The following MAP3K6 variants were observed in gnomAD, a reference collection of about 807,000 sequenced individuals.
MAP3K6 encodes apoptosis signal-regulating kinase 2.
MAP3K6 carries 105 observed loss-of-function variants against 147.1 expected under a neutral mutation model. The ratio of observed to expected loss-of-function variants is 0.71; its 90% confidence interval spans 0.61 to 0.84. The LOEUF is 0.84. Among genes scored for constraint, MAP3K6 ranks in the 40% least tolerant of loss-of-function variants. The probability of loss-of-function intolerance (pLI) is 0.00; values close to 1 mark genes in which losing one functional copy is unlikely to be tolerated. For missense variants in MAP3K6, 1,569 were observed against 1,715.0 expected (o/e 0.91, Z 1.50); for synonymous variants, 695 against 732.4 (o/e 0.95, Z 0.82).
At chr1:27,357,251 C>A in intron 23 of MAP3K6, 137 bp from the exon 24 acceptor site, 1 of 1,301,100 alleles carries the variant, frequency 7.7e-7, no homozygotes, top group South Asian at 1.4e-5. Flanking sequence ...GCCTGGGAAG[C>A]TAGGACTGGG....
In MAP3K6 at chr1:27,365,571, G is replaced by A. The variant is rs74061777; in HGVS notation, c.341-659C>T. ...GGGGGCCGAGCATCCGGGCTGGCTG[G>A]AGGGAGGAGTGACTCGCGGGGGAAT... On this transcript the variant is annotated intron_variant, in intron 1 of 28. Coordinates refer to ENST00000357582, the MANE Select transcript of MAP3K6 (RefSeq NM_004672.5). Among the ~76,000 whole-genome samples, 1,179 of 152,212 alleles carry A rather than the reference G, an allele frequency of 7.7e-3. 16 individuals carry two copies. Among genetic ancestry groups the A allele is most frequent in the African/African-American group, 0.026 (1,095 of 41,504 alleles).
Position 27,364,432 on chromosome 1 carries a change from T to A in MAP3K6, c.505-38A>T. On this transcript the variant is annotated intron_variant, in intron 3 of 28. Transcript: ENST00000357582. This position sits in a 1 kb window ranked among gnomAD's most constrained non-coding sequence, Gnocchi z 4.4. ...AGGCAGGAATCAGTGAGGTCAGAGG[T>A]CAGCACAGGGCTAGACAAGGGGAGT... The A allele has an allele frequency of 6.2e-7, 1 of 1,608,738 alleles. No homozygotes were observed. The highest frequency in any genetic ancestry group is 8.5e-7 in the Non-Finnish European group (1 of 1,176,282).
chr1:27,359,161 C>A lies in MAP3K6; in HGVS notation c.2425+256G>T, dbSNP rs539080514. ...TGGATTGCCTCGTCCCCCTGAACTC[C>A]ATCACCTGCTTTTTCCTCCAACTCC... On this transcript the variant is annotated intron_variant, in intron 18 of 28. Transcript: ENST00000357582. The surrounding 1 kb of genome is among the most constrained non-coding windows in gnomAD (Gnocchi z 4.4). Among the ~76,000 whole-genome samples, 1 of 152,256 alleles carries A rather than the reference C, an allele frequency of 6.6e-6. No homozygotes were observed. The highest frequency in any genetic ancestry group is 2.4e-5 in the African/African-American group (1 of 41,552).
rs1282990121 is a variant in MAP3K6 at position 27,355,457 on chromosome 1, T to C, written c.3801A>G (p.Val1267=). Residue 1267 remains valine (V), a synonymous_variant, in exon 29 of 29, where the codon GTA becomes GTG. Transcript: ENST00000357582. The part of the protein sequence containing the change: ...LIYTRIRGGM[V]CRIWRAILAQ... ...CCAAGATGGCCCTCCAGATGCGGCA[T>C]ACCATCCCTCCCCTGGGGGTAATGG... is the stretch of plus-strand genomic sequence containing the variant. 6.2e-7 allele frequency: 1 copy of C among 1,614,176 alleles called. No homozygotes were observed. The highest frequency in any genetic ancestry group is 1.1e-5 in the South Asian group (1 of 91,090).
Position 27,360,760 on chromosome 1 carries a change from C to T in MAP3K6, c.1999G>A (p.Asp667Asn), listed in dbSNP as rs2015721803. 6.2e-7 allele frequency: 1 copy of T among 1,612,648 alleles called. No individual in the cohort carries two copies. The highest frequency in any genetic ancestry group is 2.2e-5 in the East Asian group (1 of 44,862). Residue 667 changes from aspartate (D) to asparagine (N), a missense_variant, in exon 15 of 29, where the codon GAT (aspartate) becomes AAT (asparagine). Physicochemically the swap from Asp to Asn is conservative, Grantham distance 23. Coordinates refer to ENST00000357582, the MANE Select transcript of MAP3K6 (RefSeq NM_004672.5). This position sits in a 1 kb window ranked among gnomAD's most constrained non-coding sequence, Gnocchi z 4.5. ...GTYGVVYAGR[D>N]RHTRVRIAIK... ...GCGATGCGCACCCTCGTGTGGCGAT[C>T]GCGGCCCGCGTACACCACCCCATAC...
rs1466147808 is a variant in MAP3K6 at position 27,359,742 on chromosome 1, C to T, written c.2319+116G>A. 4 of 1,495,606 alleles carry T rather than the reference C, an allele frequency of 2.7e-6. No homozygotes were observed. The highest frequency in any genetic ancestry group is 1.9e-5 in the Admixed American group (1 of 53,402). 92.6% of individuals were successfully genotyped at this position (1,495,606 alleles called of 1,614,324 possible). The stretch of plus-strand genomic sequence containing the variant: ...CTCTAAGGAGCCTCCCTGATGAATT[C>T]CCTACCCTTTGCAACAGGTCTGCTC... On this transcript the variant is annotated intron_variant, in intron 17 of 28. Coordinates refer to ENST00000357582, the MANE Select transcript of MAP3K6 (RefSeq NM_004672.5). The surrounding 1 kb of genome is among the most constrained non-coding windows in gnomAD (Gnocchi z 4.4).
Position 27,363,912 on chromosome 1 carries a change from C to T in MAP3K6, c.864+5G>A, listed in dbSNP as rs538130659. ...TGCCCTACTGCCTCTCTGAACACCACGCACCTGCACATCGCGGTAGGAGAG... is the reference window on the plus strand; with the variant it reads ...TGCCCTACTGCCTCTCTGAACACCATGCACCTGCACATCGCGGTAGGAGAG... On this transcript the variant is annotated splice_donor_5th_base_variant and intron_variant, in intron 5 of 28. Coordinates refer to ENST00000357582, the MANE Select transcript of MAP3K6 (RefSeq NM_004672.5). 82 of 1,578,338 alleles carry T rather than the reference C, an allele frequency of 5.2e-5. 1 individual carries two copies. In the South Asian group the frequency reaches 7.6e-4, roughly 15 times the overall value.
In MAP3K6 at chr1:27,359,925, T is replaced by C; in HGVS notation, c.2252A>G (p.Tyr751Cys). Residue 751 changes from tyrosine to cysteine, a missense_variant, in exon 17 of 29, where the codon TAC (tyrosine) becomes TGC (cysteine). Physicochemically the swap from Tyr to Cys is radical, Grantham distance 194. Transcript: ENST00000357582. The surrounding 1 kb of genome is among the most constrained non-coding windows in gnomAD (Gnocchi z 4.4). ...LKDNESTISF[Y>C]TRQILQGLGY... ...AAGTCCCTGCAGGATCTGGCGGGTGTAGAAACTGATGGTGCTCTCGTTGTC... is the reference window on the plus strand; with the variant it reads ...AAGTCCCTGCAGGATCTGGCGGGTGCAGAAACTGATGGTGCTCTCGTTGTC... The C allele has an allele frequency of 1.2e-6, 2 of 1,614,106 alleles. No homozygotes were observed.
rs1231359523 is a variant in MAP3K6, at chr1:27,356,065, C to G, written c.3672G>C (p.Trp1224Cys). Residue 1224 changes from tryptophan to cysteine, a missense_variant, in exon 27 of 29, where the codon TGG becomes TGC. By Grantham distance (215) the Trp-to-Cys change is radical. Coordinates refer to ENST00000357582, the MANE Select transcript of MAP3K6 (RefSeq NM_004672.5). ...ALSTDQGLVQ[W>C]LQELNVDSGT... ...CTGAATCCACATTCAGTTCCTGTAG[C>G]CACTGCACCAGGCCCTGGTCCGTTG... 1 of 1,613,966 alleles carries G rather than the reference C, an allele frequency of 6.2e-7. No individual in the cohort carries two copies. The highest frequency in any genetic ancestry group is 8.5e-7 in the Non-Finnish European group (1 of 1,180,028).
Position 27,359,446 on chromosome 1 carries a change from C to G in MAP3K6, c.2396G>C (p.Gly799Ala). Residue 799 changes from glycine to alanine, a missense_variant, in exon 18 of 29, where the codon GGC becomes GCC. By Grantham distance (60) the Gly-to-Ala change is moderately conservative. Coordinates refer to ENST00000357582, the MANE Select transcript of MAP3K6 (RefSeq NM_004672.5). This position sits in a 1 kb window ranked among gnomAD's most constrained non-coding sequence, Gnocchi z 4.4. ...SDFGTSKRLAGITPCTETFTG... is the reference protein window; with the variant it reads ...SDFGTSKRLAAITPCTETFTG... ...GAAGGTCTCAGTGCAAGGTGTGATG[C>G]CTGCCAGCCGCTTGGAGGTGCCGAA... The G allele has an allele frequency of 6.2e-7, 1 of 1,614,152 alleles. No individual in the cohort carries two copies. Among genetic ancestry groups the G allele is most frequent in the Non-Finnish European group, 8.5e-7 (1 of 1,180,014 alleles).
chr1:27,357,327 C>T, intron 23 of MAP3K6, 73 bp downstream of exon 23: 5 of 1,530,338 alleles, frequency 3.3e-6, no homozygotes, highest in Non-Finnish European at 4.4e-6. Context: ...ACGTCAAGTC[C>T]TGGCACCTCA....
rs1557562609 is a variant in MAP3K6, at chr1:27,361,280, C to T, written c.1737-28G>A. ...GGGAAGGGATGAAGAACCCAGTAAGCGTCAGGCTGGGTGGCAGCGACCCTC... is the reference window on the plus strand; with the variant it reads ...GGGAAGGGATGAAGAACCCAGTAAGTGTCAGGCTGGGTGGCAGCGACCCTC... On this transcript the variant is annotated intron_variant, in intron 12 of 28. Transcript: ENST00000357582. 3 of 1,613,008 alleles carry T rather than the reference C, an allele frequency of 1.9e-6. No individual in the cohort carries two copies. The South Asian group carries it at 3.3e-5, about 18-fold the overall frequency.
At chr1:27,361,103 T>TC (rs372725927) in intron 13 of MAP3K6, 54 bp downstream of exon 13, 200 of 1,540,708 alleles carry the variant, frequency 1.3e-4, no homozygotes, top group South Asian at 1.2e-3. Flanking sequence ...TTTCCCCCAC[T>TC]CCCCCCCGGG....
rs144093155 is a variant in MAP3K6 at position 27,364,783 on chromosome 1, T to C, written c.470A>G (p.Gln157Arg). ...LCSQADLPDLQALREDVFQKN... is the reference protein window; with the variant it reads ...LCSQADLPDLRALREDVFQKN... ...CCCCAGGCCACCTACCCGCAGGGCC[T>C]GCAGGTCAGGGAGGTCGGCCTGGGA... is the stretch of plus-strand genomic sequence containing the variant. Residue 157 changes from glutamine (Q) to arginine (R), a missense_variant, in exon 2 of 29, where the codon CAG (glutamine) becomes CGG (arginine). Coordinates refer to ENST00000357582, the MANE Select transcript of MAP3K6 (RefSeq NM_004672.5). The surrounding 1 kb of genome is among the most constrained non-coding windows in gnomAD (Gnocchi z 4.4). The C allele has an allele frequency of 9.2e-5, 149 of 1,613,782 alleles. No individual in the cohort carries two copies. The African/African-American group carries it at 1.1e-3, about 12-fold the overall frequency.
In MAP3K6 at chr1:27,363,959, G is replaced by A. The variant is rs376169152; in HGVS notation, c.822C>T (p.Pro274=). 99 of 1,608,152 alleles carry A rather than the reference G, an allele frequency of 6.2e-5. 1 individual carries two copies. The South Asian group carries it at 7.7e-4, about 13-fold the overall frequency. ...RRLDSVELLS[P]DIIMNLLLSY... ...AGAGCAGCAAGTTCATGATGATGTC[G>A]GGGCTCAGCAGCTCCACGCTGTCCA... is the stretch of plus-strand genomic sequence containing the variant. The change falls in exon 5 of 29, where the codon CCC becomes CCT. Residue 274 remains proline (P), a synonymous_variant. Transcript: ENST00000357582.
chr1:27,358,334 G>C lies in MAP3K6; in HGVS notation c.2777-15C>G. On this transcript the variant is annotated splice_polypyrimidine_tract_variant and intron_variant, in intron 20 of 28. Transcript: ENST00000357582. The surrounding 1 kb of genome is among the most constrained non-coding windows in gnomAD (Gnocchi z 6.2). Reference sequence around the variant, plus strand: ...AGAAGGGGCATCTGAGGGAGGGACAGAGCCATCAGCTGGGCTCTCCTCCAC... The same window carrying C: ...AGAAGGGGCATCTGAGGGAGGGACACAGCCATCAGCTGGGCTCTCCTCCAC... 4 of 1,604,056 alleles carry C rather than the reference G, an allele frequency of 2.5e-6. No homozygotes were observed. Among genetic ancestry groups the C allele is most frequent in the Non-Finnish European group, 3.4e-6 (4 of 1,177,258 alleles).
In MAP3K6 at chr1:27,360,169, T is replaced by C; in HGVS notation, c.2182+72A>G. 1 of 1,596,814 alleles carries C rather than the reference T, an allele frequency of 6.3e-7. No homozygotes were observed. Among genetic ancestry groups the C allele is most frequent in the Non-Finnish European group, 8.5e-7 (1 of 1,169,644 alleles). ...ACTAGGGTGCATTTCCCCCTAGGGC[T>C]CTCTACCCCTGCCTGCCTCGGTCCC... On this transcript the variant is annotated intron_variant, in intron 16 of 28. Coordinates refer to ENST00000357582, the MANE Select transcript of MAP3K6 (RefSeq NM_004672.5). The surrounding 1 kb of genome is among the most constrained non-coding windows in gnomAD (Gnocchi z 4.5).
chr1:27,359,974 G>T lies in MAP3K6; in HGVS notation c.2203C>A (p.Arg735=), dbSNP rs780297206. 9.9e-6 allele frequency: 16 copies of T among 1,614,014 alleles called. No homozygotes were observed. The highest frequency in any genetic ancestry group is 1.4e-5 in the Non-Finnish European group (16 of 1,179,984). Residue 735 remains arginine, a synonymous_variant, in exon 17 of 29, where the codon CGG becomes AGG. Transcript: ENST00000357582. The surrounding 1 kb of genome is among the most constrained non-coding windows in gnomAD (Gnocchi z 4.4). Reference sequence around the variant, plus strand: ...TCCTTCAGGGGTCCCCACACCGACCGCAGCAAGGAGGACAGGCTGCCTGGG... The same window carrying T: ...TCCTTCAGGGGTCCCCACACCGACCTCAGCAAGGAGGACAGGCTGCCTGGG... The part of the protein sequence containing the change: ...VPGGSLSSLL[R]SVWGPLKDNE...
In MAP3K6 at chr1:27,359,321, A is replaced by G; in HGVS notation, c.2425+96T>C. The G allele has an allele frequency of 1.9e-6, 3 of 1,568,502 alleles. No individual in the cohort carries two copies. ...GGTTTCATTCCCCATTAGGACTCTA[A>G]CTCCATGCCTAGGAGAAACCCCCTT... On this transcript the variant is annotated intron_variant, in intron 18 of 28. Transcript: ENST00000357582. The surrounding 1 kb of genome is among the most constrained non-coding windows in gnomAD (Gnocchi z 4.4).
Sources: allele counts gnomAD v4.1 joint callset (sites outside exome capture counted in the v4.1 genomes callset), GRCh38; gene constraint gnomAD v4.1.1; non-coding constraint Gnocchi (gnomAD v3.1); transcripts MANE v1.5; gene names NCBI Gene and HGNC (gene_info 2026-07-23, HGNC 2026-07-21).